The following BANK1 variants were observed in gnomAD, a reference collection of about 807,000 sequenced individuals.
The protein encoded by BANK1 is B-cell scaffold protein with ankyrin repeats.
A neutral mutation model predicts 94.5 loss-of-function variants in BANK1; 95 were observed. That is an observed-to-expected ratio of 1.00 (90% CI 0.85 to 1.19). BANK1 has a LOEUF of 1.19. Among genes scored for constraint, BANK1 ranks in the 50% most tolerant of loss-of-function variants. BANK1 has a pLI of 0.00. For synonymous variants in BANK1, 334 were observed against 308.4 expected (o/e 1.08, Z -0.87); for missense variants, 987 against 932.2 (o/e 1.06, Z -0.77).
At chr4:101,983,450 A>T (rs546771191) in intron 7 of BANK1, among the ~76,000 whole-genome samples, 1 of 152,058 alleles carries the variant, frequency 6.6e-6, no homozygotes, top group African/African-American at 2.4e-5. Flanking sequence ...CTCATCCATA[A>T]AACAGTCTCT....
At chr4:101,830,471 G>T (rs1055264607) in intron 2 of BANK1, among the ~76,000 whole-genome samples, 1 of 152,178 alleles carries the variant, frequency 6.6e-6, no homozygotes, top group Admixed American at 6.5e-5. Context: ...TGAGATCATG[G>T]CAGAACAAGT....
intron 7 of BANK1, among the ~76,000 whole-genome samples, chr4:102,008,623 T>G (rs1266539180): frequency 6.6e-6 from 1 of 152,190 alleles, no homozygotes; most frequent in Non-Finnish European, 1.5e-5. Context: ...GCCAGGCACA[T>G]TTTAGTTCTG....
intron 2 of BANK1, among the ~76,000 whole-genome samples, chr4:101,849,498 TACAC>T (rs1727389571): frequency 6.6e-6 from 1 of 152,062 alleles, no homozygotes; most frequent in Admixed American, 6.6e-5. Flanking sequence ...GACATGGAGA[TACAC>T]ACGCACACAC....
chr4:101,797,200 A>G (rs894205715), intron 1 of BANK1, among the ~76,000 whole-genome samples: 1 of 152,200 alleles, frequency 6.6e-6, no homozygotes, highest in Non-Finnish European at 1.5e-5. Flanking sequence ...ACAAATTAAT[A>G]AAGTTCAGAT....
chr4:101,995,706 C>CT (rs1338664290), intron 7 of BANK1, among the ~76,000 whole-genome samples: 4 of 152,162 alleles, frequency 2.6e-5, no homozygotes, highest in Non-Finnish European at 5.9e-5. Flanking sequence ...TGATGATGAG[C>CT]TTTTTTTCAT....
chr4:102,029,123 G>A (rs1257262194), intron 9 of BANK1, among the ~76,000 whole-genome samples: 1 of 151,916 alleles, frequency 6.6e-6, no homozygotes, highest in Non-Finnish European at 1.5e-5. Flanking sequence ...CAAATTCCTG[G>A]CCTCCAGCTA....
chr4:101,969,299 A>G (rs189060009), intron 7 of BANK1, among the ~76,000 whole-genome samples: 11 of 152,252 alleles, frequency 7.2e-5, no homozygotes, highest in Admixed American at 2.0e-4. Context: ...AGTTCATACT[A>G]TACCATTAGC....
chr4:101,846,541 C>T (rs1251963067), intron 2 of BANK1, among the ~76,000 whole-genome samples: 2 of 152,110 alleles, frequency 1.3e-5, no homozygotes, highest in Non-Finnish European at 2.9e-5. Context: ...ATTTTTAAGA[C>T]TGGGTAATTT....
chr4:101,856,946 T>C (rs1395092717), intron 3 of BANK1, among the ~76,000 whole-genome samples: 12 of 152,170 alleles, frequency 7.9e-5, no homozygotes, highest in Admixed American at 7.9e-4. Flanking sequence ...CCAGACAAGA[T>C]TTTTTGTTTT....
chr4:101,797,253 CAGAA>C (rs1196982916), intron 1 of BANK1, among the ~76,000 whole-genome samples: 5 of 152,032 alleles, frequency 3.3e-5, no homozygotes, highest in African/African-American at 4.8e-5. Context: ...AAATGAGACA[CAGAA>C]AGACAAAATT....
At chr4:101,861,691 G>A in intron 3 of BANK1, among the ~76,000 whole-genome samples, 1 of 151,770 alleles carries the variant, frequency 6.6e-6, no homozygotes, top group East Asian at 1.9e-4. Context: ...GTGTGTGTTT[G>A]TCTTTCTGTA....
intron 7 of BANK1, among the ~76,000 whole-genome samples, chr4:101,989,902 C>T (rs1273463090): frequency 6.6e-6 from 1 of 152,204 alleles, no homozygotes; most frequent in Non-Finnish European, 1.5e-5. Flanking sequence ...TTCTCCACTA[C>T]ACAGTTGTTC....
intron 11 of BANK1, 70 bp from the exon 12 acceptor site, chr4:102,060,141 G>A (rs1212397358): frequency 1.5e-6 from 2 of 1,357,700 alleles, no homozygotes; most frequent in Non-Finnish European, 2.0e-6. Context: ...TGGCTTATTT[G>A]TAGAGTGCTT....
chr4:101,804,718 CACTT>C (rs1286777203), intron 1 of BANK1, among the ~76,000 whole-genome samples: 15 of 152,114 alleles, frequency 9.9e-5, no homozygotes, highest in African/African-American at 3.4e-4. Flanking sequence ...TTCTTAATAA[CACTT>C]TCTTTTCTCT....
chr4:101,808,821 AG>A (rs1167040430), intron 1 of BANK1, among the ~76,000 whole-genome samples: 2 of 152,212 alleles, frequency 1.3e-5, no homozygotes, highest in East Asian at 3.8e-4. Context: ...TATTCCTTCA[AG>A]AATGGCCATA....
intron 12 of BANK1, chr4:102,061,531 C>T (rs570722614): frequency 5.9e-5 from 9 of 152,328 alleles, no homozygotes; most frequent in Admixed American, 2.0e-4. Context: ...ATCACCAATA[C>T]ACATGTGTTT....
At chr4:102,045,364 C>T (rs547971040) in intron 11 of BANK1, among the ~76,000 whole-genome samples, 115 of 152,172 alleles carry the variant, frequency 7.6e-4, no homozygotes, top group African/African-American at 2.6e-3. Flanking sequence ...GGAAGCATTC[C>T]CTTTGAAAAC....
chr4:102,041,100 G>A (rs1727688474), intron 10 of BANK1, among the ~76,000 whole-genome samples: 1 of 151,980 alleles, frequency 6.6e-6, no homozygotes, highest in African/African-American at 2.4e-5. Context: ...ATAAATCTGA[G>A]TGACCTATAA....
At chr4:101,842,964 T>G (rs1727109213) in intron 2 of BANK1, among the ~76,000 whole-genome samples, 1 of 152,214 alleles carries the variant, frequency 6.6e-6, no homozygotes, top group South Asian at 2.1e-4. Flanking sequence ...TGAATCCAAT[T>G]TCAGTTATCT....
Sources: gnomAD v4.1 joint callset for allele counts (sites outside exome capture counted in the v4.1 genomes callset) on GRCh38, gnomAD v4.1.1 for gene constraint, MANE v1.5 for transcripts, NCBI Gene and HGNC (gene_info 2026-07-23, HGNC 2026-07-21) for gene names.